POM121: variants seen among roughly 807,000 people sequenced by gnomAD.
POM121 encodes nuclear envelope pore membrane protein POM 121.
In POM121, 32 loss-of-function variants were observed where a neutral mutation model predicts 81.3. The ratio of observed to expected loss-of-function variants is 0.39; its 90% CI spans 0.30 to 0.53. The LOEUF is 0.53. Among genes scored for constraint, POM121 ranks in the 20% least tolerant of loss-of-function variants. The probability of loss-of-function intolerance (pLI) is 0.66; values close to 1 mark genes in which losing one functional copy is unlikely to be tolerated. For synonymous variants in POM121, 514 were observed against 694.2 expected, an observed-to-expected ratio of 0.74 and a Z score of 4.08; for missense variants, 1,138 against 1,614.6, an observed-to-expected ratio of 0.70 and a Z score of 5.06.
chr7:72,928,716 C>G (rs1218120700), intron 4 of POM121, among the ~76,000 whole-genome samples: 2 of 149,446 alleles, frequency 1.3e-5, no homozygotes, highest in East Asian at 4.1e-4. Context: ...TATTTAATAA[C>G]CAAGCACATA....
At chr7:72,912,679 T>C (rs548984743) in intron 3 of POM121, among the ~76,000 whole-genome samples, 118 of 152,192 alleles carry the variant, frequency 7.8e-4, no homozygotes, top group Non-Finnish European at 1.3e-3. Flanking sequence ...CTTGGGAGGC[T>C]GAGGCAGGGG....
chr7:72,883,772 CCTT>C (rs1479792138), intron 1 of POM121, among the ~76,000 whole-genome samples: 3 of 151,866 alleles, frequency 2.0e-5, no homozygotes, highest in Non-Finnish European at 4.4e-5. Flanking sequence ...GCACGTGTTA[CCTT>C]CTTTGTTTTT....
At chr7:72,915,324 A>C (rs1334805660) in intron 4 of POM121, among the ~76,000 whole-genome samples, 1 of 152,162 alleles carries the variant, frequency 6.6e-6, no homozygotes, top group Non-Finnish European at 1.5e-5. Flanking sequence ...CCTGGCATCT[A>C]TTCAGAGCTA....
intron 3 of POM121, among the ~76,000 whole-genome samples, chr7:72,891,635 G>C (rs1187293915): frequency 6.6e-6 from 1 of 152,122 alleles, no homozygotes; most frequent in African/African-American, 2.4e-5. Context: ...TTGAACTCCT[G>C]GTCTCAAGTG....
At chr7:72,926,148 TAGAA>T in intron 1 of POM121, 110 bp from the exon 2 acceptor site, 2 of 1,146,374 alleles carry the variant, frequency 1.7e-6, no homozygotes, top group Admixed American at 2.2e-5. Context: ...CTGTGTTGCT[TAGAA>T]AGAGACTTAA....
rs557906714 is a variant in POM121, at chr7:72,897,046, T to C, written c.-216+5936T>C. On this transcript the variant is annotated intron_variant, in intron 3 of 15. Coordinates refer to the POM121 transcript ENST00000395270. ...GGCGAAACCCCATCTCTACTAAAAA[T>C]ACAAAAATTAGCCAGAAATCGCTTG... Among the ~76,000 whole-genome samples, 26 of 151,992 alleles carry C rather than the reference T, an allele frequency of 1.7e-4. No homozygotes were observed. In the South Asian group the frequency reaches 4.8e-3, roughly 28 times the overall value.
In POM121 at chr7:72,947,345, TTCTG is replaced by T; in HGVS notation, c.*1114_*1117del. On this transcript the variant is annotated 3_prime_UTR_variant, in exon 13 of 13. Transcript: ENST00000434423. ...AGCAAAGACCTCTTCCCTCTGCCGT[TTCTG>T]TCCCACTTAACTGACCTCACTGGAG... is the stretch of plus-strand genomic sequence containing the variant. The T allele has an allele frequency of 1.5e-6, 1 of 658,576 alleles. No individual in the cohort carries two copies. Among genetic ancestry groups the T allele is most frequent in the Non-Finnish European group, 1.8e-6 (1 of 547,500 alleles). The allele number at this position is 658,576 out of a possible 1,614,324, so 40.8% of individuals were successfully genotyped here. A position where few individuals can be genotyped will look rare whatever the true frequency, so the allele number is the denominator to read the frequency against.
intron 3 of POM121, among the ~76,000 whole-genome samples, chr7:72,898,025 A>C (rs1586086383): frequency 6.6e-6 from 1 of 152,174 alleles, no homozygotes; most frequent in East Asian, 1.9e-4. Context: ...TCTAGGAAAA[A>C]AAGAAAGAAA....
intron 1 of POM121, among the ~76,000 whole-genome samples, chr7:72,881,672 G>A (rs879957308): frequency 7.3e-5 from 11 of 151,484 alleles, no homozygotes; most frequent in African/African-American, 1.7e-4. Flanking sequence ...CTCTGTTGCC[G>A]AGGCTGCAGT....
At position 72,925,249 on chromosome 7, in the gene POM121, GC is replaced by G. The variant is rs1795271125; in HGVS notation, c.130del (p.Leu44SerfsTer15). 6.5e-7 allele frequency: 1 copy of G among 1,534,192 alleles called. No individual in the cohort carries two copies. The highest frequency in any genetic ancestry group is 2.0e-5 in the Admixed American group (1 of 50,954). On this transcript the variant is annotated frameshift_variant, in exon 1 of 13. Coordinates refer to ENST00000434423, the MANE Select transcript of POM121 (RefSeq NM_001387691.1). LOFTEE classifies it high-confidence loss of function. Reference protein sequence around the residue: ...RAVLLGLSLVGLLLYLVPAAA... With the variant: ...RAVLLGLSLVXLLLYLVPAAA... ...GTGCTCCTGGGCCTGTCGCTGGTTG[GC>G]CTCTTACTGTACCTCGTGCCGGCTG...
chr7:72,889,881 T>C (rs1791129906), intron 1 of POM121, among the ~76,000 whole-genome samples: 1 of 152,022 alleles, frequency 6.6e-6, no homozygotes, highest in African/African-American at 2.4e-5. Context: ...CTCATCATAT[T>C]CTTCCTCCCC....
intron 3 of POM121, among the ~76,000 whole-genome samples, 172 bp downstream of exon 3, chr7:72,927,135 T>C (rs1282522322): frequency 6.6e-6 from 1 of 152,260 alleles, no homozygotes; most frequent in Non-Finnish European, 1.5e-5. Context: ...TGCTGCTCTT[T>C]TCAAGGCACA....
chr7:72,930,115 C>T lies in POM121; in HGVS notation c.1275+4C>T, dbSNP rs1554498325. On this transcript the variant is annotated splice_donor_region_variant and intron_variant, in intron 5 of 12. Coordinates refer to ENST00000434423, the MANE Select transcript of POM121 (RefSeq NM_001387691.1). ...CTCCACTCGAGGCATCTCACAGGTACAAGTACAGCTCTTTTAATGTGGGGG... is the reference window on the plus strand; with the variant it reads ...CTCCACTCGAGGCATCTCACAGGTATAAGTACAGCTCTTTTAATGTGGGGG... The T allele has an allele frequency of 6.2e-7, 1 of 1,605,650 alleles. No individual in the cohort carries two copies. Among genetic ancestry groups the T allele is most frequent in the Non-Finnish European group, 8.5e-7 (1 of 1,174,756 alleles).
At chr7:72,893,771 T>C (rs1554491246) in intron 3 of POM121, among the ~76,000 whole-genome samples, 1 of 152,018 alleles carries the variant, frequency 6.6e-6, no homozygotes, top group Non-Finnish European at 1.5e-5. Flanking sequence ...TGGCAGGTGG[T>C]GCTTTCGCCA....
rs559447703 is a variant in POM121, at chr7:72,925,128, C to G, written c.7C>G (p.Pro3Ala). 9.1e-6 allele frequency: 13 copies of G among 1,430,522 alleles called. No homozygotes were observed. Among genetic ancestry groups the G allele is most frequent in the Non-Finnish European group, 1.0e-5 (11 of 1,105,228 alleles). 88.6% of individuals were successfully genotyped at this position (1,430,522 alleles called of 1,614,324 possible). Residue 3 changes from proline to alanine, a missense_variant, in exon 1 of 13, where the codon CCG (proline) becomes GCG (alanine). Physicochemically the swap from Pro to Ala is conservative, Grantham distance 27. This residue lies in a region of POM121 where 646 missense variants were observed against 633.5 expected (regional missense o/e 1.02). Transcript: ENST00000434423. ...TCCGCGGCGCGGAGCCGCGATGTCT[C>G]CGGCGGCTGCGGCGGCTGGAGCAGG... MS[P>A]AAAAAGAGER...
At chr7:72,901,597 C>T (rs1342950970) in intron 3 of POM121, among the ~76,000 whole-genome samples, 1 of 152,072 alleles carries the variant, frequency 6.6e-6, no homozygotes, top group Non-Finnish European at 1.5e-5. Context: ...TCATGATCCA[C>T]CTGCCTCGGC....
intron 3 of POM121, among the ~76,000 whole-genome samples, chr7:72,896,094 G>A (rs1287195554): frequency 2.0e-5 from 3 of 151,692 alleles, no homozygotes; most frequent in African/African-American, 7.3e-5. Context: ...GCTGAATTGG[G>A]GATTTCTGGT....
chr7:72,913,149 C>G (rs1231163936), intron 3 of POM121, among the ~76,000 whole-genome samples: 3 of 152,188 alleles, frequency 2.0e-5, no homozygotes, highest in African/African-American at 7.2e-5. Flanking sequence ...CCATTCAATC[C>G]AAGGTATAAA....
At chr7:72,880,362 G>A (rs1554489131) in intron 1 of POM121, among the ~76,000 whole-genome samples, 1 of 152,152 alleles carries the variant, frequency 6.6e-6, no homozygotes, top group Non-Finnish European at 1.5e-5. Context: ...CAGGTCACCG[G>A]CTTTGTGGGT....
Sources: allele counts gnomAD v4.1 joint callset (sites outside exome capture counted in the v4.1 genomes callset), GRCh38; gene constraint gnomAD v4.1.1; regional missense constraint gnomAD v4.1.1; transcripts MANE v1.5; gene names NCBI Gene and HGNC (gene_info 2026-07-23, HGNC 2026-07-21).